Variants in DDX11 observed in about 807,000 individuals in gnomAD.
DDX11 encodes the protein ATP-dependent DNA helicase DDX11.
Under a neutral mutation model 125.2 loss-of-function variants are expected in DDX11, and 72 were observed. That is an observed-to-expected ratio of 0.58 (90% CI 0.48 to 0.70). DDX11 has a LOEUF of 0.70. Ranked by LOEUF, DDX11 falls within the 30% of genes least tolerant of loss-of-function variation. DDX11 has a pLI of 0.00. For synonymous variants in DDX11, 347 were observed against 452.6 expected (o/e 0.77, Z 2.96); for missense variants, 883 against 1,165.0 (o/e 0.76, Z 3.52).
Position 31,089,501 on chromosome 12 carries a change from G to A in DDX11, c.880+11G>A, listed in dbSNP as rs376617999. 1,474 of 1,611,214 alleles carry A rather than the reference G, an allele frequency of 9.1e-4. 20 individuals are homozygous for A. The African/African-American group carries it at 0.017, about 19-fold the overall frequency. On this transcript the variant is annotated intron_variant, in intron 8 of 26. Coordinates refer to ENST00000542838, the MANE Select transcript of DDX11 (RefSeq NM_030653.4). ...AGAGAAGCAGGCACGGTAGCCACTG[G>A]GACCATGGTGTAGCCGCAGGTGGTC...
At position 31,089,398 on chromosome 12, in the gene DDX11, T is replaced by C; in HGVS notation, c.793-5T>C. ...TTTTGCCTCTTTCTTTCTCCTTTGCTGCAGAACCTTTGTGTAAATGAAGAC... is the reference window on the plus strand; with the variant it reads ...TTTTGCCTCTTTCTTTCTCCTTTGCCGCAGAACCTTTGTGTAAATGAAGAC... On this transcript the variant is annotated splice_region_variant and splice_polypyrimidine_tract_variant and intron_variant, in intron 7 of 26. Coordinates refer to ENST00000542838, the MANE Select transcript of DDX11 (RefSeq NM_030653.4). 2.5e-6 allele frequency: 4 copies of C among 1,613,970 alleles called. No homozygotes were observed. The highest frequency in any genetic ancestry group is 1.1e-5 in the South Asian group (1 of 91,078).
At chr12:31,087,041 C>T (rs1318499561) in intron 5 of DDX11, among the ~76,000 whole-genome samples, 3 of 148,948 alleles carry the variant, frequency 2.0e-5, no homozygotes, top group Non-Finnish European at 4.4e-5. Context: ...CCATAGGTAG[C>T]GTGTGCCTGT....
chr12:31,086,111 C>T, intron 5 of DDX11: 2 of 454,412 alleles, frequency 4.4e-6, no homozygotes, highest in South Asian at 3.1e-5. Flanking sequence ...ACCAGGCCTT[C>T]CTCTGTCCTG....
At position 31,083,864 on chromosome 12, in the gene DDX11, G is replaced by A; in HGVS notation, c.196G>A (p.Glu66Lys). ...CGALSWLRDF[E>K]QKKREEEARL... ...GGCCCTCTCTTGGCTCCGTGACTTT[G>A]AACAGAAGAAGCGTGAAGAAGAGGC... Residue 66 changes from glutamate to lysine, a missense_variant, in exon 3 of 27, where the codon GAA (glutamate) becomes AAA (lysine). Glu to Lys is a moderately conservative substitution (Grantham distance 56). This residue lies in a region of DDX11 where 283 missense variants were observed against 359.6 expected (regional missense o/e 0.79). Coordinates refer to ENST00000542838, the MANE Select transcript of DDX11 (RefSeq NM_030653.4). 1 of 1,612,674 alleles carries A rather than the reference G, an allele frequency of 6.2e-7. No homozygotes were observed. The highest frequency in any genetic ancestry group is 1.1e-5 in the South Asian group (1 of 91,004).
At position 31,096,985 on chromosome 12, in the gene DDX11, G is replaced by A. The variant is rs778605700; in HGVS notation, c.1757G>A (p.Arg586His). ...ANQDGRVILS[R>H]QGSLSQSTLK... ...CAGGACGGCAGGGTCATCCTGAGCC[G>A]CCAAGGTAATCAGGTGGTTCTTGGC... Residue 586 changes from arginine (R) to histidine (H), a missense_variant, in exon 17 of 27, where the codon CGC becomes CAC. Physicochemically the swap from Arg to His is conservative, Grantham distance 29 (BLOSUM62 0). Around this residue, in one of 5 missense-constraint regions of DDX11, gnomAD observed 241 missense variants for 279.7 expected, o/e 0.86. Coordinates refer to ENST00000542838, the MANE Select transcript of DDX11 (RefSeq NM_030653.4). The A allele has an allele frequency of 2.5e-6, 4 of 1,613,268 alleles. No homozygotes were observed. The highest frequency in any genetic ancestry group is 2.2e-5 in the East Asian group (1 of 44,866).
intron 20 of DDX11, chr12:31,101,522 T>G (rs1946379173): frequency 2.0e-6 from 1 of 500,134 alleles, no homozygotes; most frequent in African/African-American, 1.9e-5. Flanking sequence ...ATTGTCGTTG[T>G]GGTGCCCATC....
At chr12:31,084,439 G>T in intron 3 of DDX11, 144 bp from the exon 4 acceptor site, 1 of 800,884 alleles carries the variant, frequency 1.2e-6, no homozygotes, top group Non-Finnish European at 2.2e-6. Flanking sequence ...GGTCCCGGGA[G>T]GGGATGCGGC....
chr12:31,103,571 A>C lies in DDX11; in HGVS notation c.2537-6A>C, dbSNP rs192225081. ...GCTCGGAGCCCCAGCCTCTGTTCCT[A>C]TGCAGGCAGGGCCATCAGGCACCAG... On this transcript the variant is annotated splice_polypyrimidine_tract_variant and splice_region_variant and intron_variant, in intron 25 of 26. Coordinates refer to ENST00000542838, the MANE Select transcript of DDX11 (RefSeq NM_030653.4). 2.5e-6 allele frequency: 4 copies of C among 1,613,600 alleles called. No individual in the cohort carries two copies. The African/African-American group carries it at 4.0e-5, about 16-fold the overall frequency.
chr12:31,100,952 G>A (rs1946271450), intron 19 of DDX11, 75 bp from the exon 20 acceptor site: 1 of 1,379,892 alleles, frequency 7.2e-7, no homozygotes, highest in South Asian at 1.2e-5. Flanking sequence ...TGATGGGGCA[G>A]GGAAATGCCC....
chr12:31,102,296 T>A lies in DDX11; in HGVS notation c.2256T>A (p.Tyr752Ter). 6.2e-7 allele frequency: 1 copy of A among 1,614,208 alleles called. No individual in the cohort carries two copies. Among genetic ancestry groups the A allele is most frequent in the Non-Finnish European group, 8.5e-7 (1 of 1,180,010 alleles). The change falls in exon 22 of 27, where the codon TAT becomes TAA. Residue 752 changes from tyrosine (Y) to a stop codon, truncating the protein, a stop_gained. Transcript: ENST00000542838. LOFTEE classifies it high-confidence loss of function. ...AGGTGGAGCAGGTGCTGCTGGCATA[T>A]TCCAGGTGCATCCAGGTGCGGGCGT... The part of the protein sequence containing the change: ...AHQVEQVLLA[Y>*]SRCIQACGQE...
intron 1 of DDX11, among the ~76,000 whole-genome samples, chr12:31,076,384 G>A (rs1478277600): frequency 6.6e-6 from 1 of 152,152 alleles, no homozygotes; most frequent in African/African-American, 2.4e-5. Flanking sequence ...CTTGCAGCTT[G>A]TAGTCTGCCT....
In DDX11 at chr12:31,103,902, G is replaced by A. The variant is rs1946848951; in HGVS notation, c.*66G>A. On this transcript the variant is annotated 3_prime_UTR_variant, in exon 27 of 27. Coordinates refer to ENST00000542838, the MANE Select transcript of DDX11 (RefSeq NM_030653.4). The stretch of plus-strand genomic sequence containing the variant: ...GTCCTGCCCGCTGGAGACAGTGTTT[G>A]TCGTGGGCGTGGTCTGCGGGGATCC... 1.9e-6 allele frequency: 3 copies of A among 1,613,926 alleles called. No individual in the cohort carries two copies. The highest frequency in any genetic ancestry group is 8.5e-7 in the Non-Finnish European group (1 of 1,179,856).
intron 2 of DDX11, among the ~76,000 whole-genome samples, chr12:31,083,014 C>T (rs901203108): frequency 6.6e-6 from 1 of 152,190 alleles, no homozygotes; most frequent in African/African-American, 2.4e-5. Context: ...TAACTAATTA[C>T]ATTTGCGACA....
At chr12:31,076,149 A>T (rs1940680748) in intron 1 of DDX11, among the ~76,000 whole-genome samples, 1 of 152,146 alleles carries the variant, frequency 6.6e-6, no homozygotes, top group Non-Finnish European at 1.5e-5. Context: ...TGGGATTCAG[A>T]ACGAGGAGAC....
Position 31,102,263 on chromosome 12 carries a change from C to G in DDX11, c.2223C>G (p.Ser741Arg), listed in dbSNP as rs151210946. 3,720 of 1,613,970 alleles carry G rather than the reference C, an allele frequency of 2.3e-3. 71 individuals are homozygous for G. In the African/African-American group the frequency reaches 0.044, roughly 19 times the overall value. The change falls in exon 22 of 27, where the codon AGC becomes AGG. Residue 741 changes from serine (S) to arginine (R), a missense_variant. Coordinates refer to ENST00000542838, the MANE Select transcript of DDX11 (RefSeq NM_030653.4). ...ARKKIFQEPK[S>R]AHQVEQVLLA... ...CTCAGATATTCCAGGAACCTAAGAG[C>G]GCACACCAGGTGGAGCAGGTGCTGC...
At chr12:31,078,726 C>T (rs1478077895) in intron 2 of DDX11, among the ~76,000 whole-genome samples, 189 bp downstream of exon 2, 17 of 145,038 alleles carry the variant, frequency 1.2e-4, no homozygotes, top group Admixed American at 5.7e-4. Context: ...CTCGCTGTGT[C>T]GCCCAGGCCA....
intron 2 of DDX11, among the ~76,000 whole-genome samples, chr12:31,080,615 A>G (rs1392076678): frequency 3.3e-5 from 5 of 151,588 alleles, no homozygotes; most frequent in South Asian, 2.1e-4. Flanking sequence ...AATCACTTCC[A>G]TGTCTCTGCC....
chr12:31,095,517 C>T (rs1158456039), intron 14 of DDX11, among the ~76,000 whole-genome samples: 1 of 152,234 alleles, frequency 6.6e-6, no homozygotes. Flanking sequence ...ACATTCTTCC[C>T]ATCCTGCCTG....
chr12:31,074,797 T>C (rs1940466205), intron 1 of DDX11, among the ~76,000 whole-genome samples: 1 of 152,176 alleles, frequency 6.6e-6, no homozygotes, highest in African/African-American at 2.4e-5. Flanking sequence ...GTTAAAACAT[T>C]TTAGGGCCAT....
Sources: allele counts gnomAD v4.1 joint callset (sites outside exome capture counted in the v4.1 genomes callset), GRCh38; gene constraint gnomAD v4.1.1; regional missense constraint gnomAD v4.1.1; transcripts MANE v1.5; gene names NCBI Gene and HGNC (gene_info 2026-07-23, HGNC 2026-07-21).